Variants in HEATR4 observed in about 807,000 individuals in gnomAD.
HEATR4 encodes the protein HEAT repeat containing 4.
HEATR4 carries 95 observed loss-of-function variants against 108.8 expected under a neutral mutation model. That is an observed-to-expected ratio of 0.87 (90% confidence interval 0.74 to 1.04). The LOEUF is 1.04. Ranked by LOEUF, HEATR4 falls within the 50% of genes least tolerant of loss-of-function variation. The pLI is 0.00. For synonymous variants in HEATR4, 443 were observed against 459.4 expected (o/e 0.96, Z 0.46); for missense variants, 1,152 against 1,253.8 (o/e 0.92, Z 1.23).
chr14:73,572,830 C>G, the HEATR4 span, among the ~76,000 whole-genome samples: 3 of 148,940 alleles, frequency 2.0e-5, no homozygotes, highest in African/African-American at 7.5e-5. Context: ...ATTTTTAGTA[C>G]AGATGGGGTT....
At chr14:73,558,477 G>A (rs1219063754) in intron 1 of HEATR4, among the ~76,000 whole-genome samples, 1 of 132,742 alleles carries the variant, frequency 7.5e-6, no homozygotes, top group Non-Finnish European at 1.6e-5. Context: ...CCACATAGCT[G>A]GGAGCATAGG....
At chr14:73,518,918 T>C in intron 5 of HEATR4, 105 bp downstream of exon 5, 1 of 1,133,206 alleles carries the variant, frequency 8.8e-7, no homozygotes, top group Non-Finnish European at 1.3e-6. Context: ...TAATGGTGCT[T>C]CAGCCCATGA....
the HEATR4 span, chr14:73,593,628 C>T: frequency 7.1e-7 from 1 of 1,410,020 alleles, no homozygotes. Flanking sequence ...CAAGCATGAA[C>T]CACAGTGTCC....
rs1349358370 is a variant in HEATR4, at chr14:73,557,202, T to C, written c.-152+1549A>G. On this transcript the variant is annotated intron_variant, in intron 1 of 17. Transcript: ENST00000553558. ...GGAACTTGGGCTAGAAGGGGAGGAA[T>C]GGGGTTGGAAGGGTTAGGCCACATG... 5.3e-5 allele frequency among the ~76,000 whole-genome samples: 6 copies of C among 113,836 alleles called. 2 individuals are homozygous for C. Among genetic ancestry groups the C allele is most frequent in the African/African-American group, 1.7e-4 (6 of 35,232 alleles). 74.7% of individuals were successfully genotyped at this position (113,836 alleles called of 152,430 possible). A position where few individuals can be genotyped will look rare whatever the true frequency, so the allele number is the denominator to read the frequency against.
At position 73,514,017 on chromosome 14, in the gene HEATR4, CT is replaced by C. The variant is rs1223558592; in HGVS notation, c.1414+13del. The stretch of plus-strand genomic sequence containing the variant: ...TCACAAACGTACAGTATCACAGGAC[CT>C]CCCTTCACTCACTCAGAGCCCAGGC... On this transcript the variant is annotated intron_variant, in intron 6 of 17. Transcript: ENST00000553558. The C allele has an allele frequency of 2.5e-6, 4 of 1,613,100 alleles. No homozygotes were observed. Among genetic ancestry groups the C allele is most frequent in the Non-Finnish European group, 3.4e-6 (4 of 1,179,176 alleles).
rs200682028 is a variant in HEATR4 at position 73,500,700 on chromosome 14, C to T, written c.2136G>A (p.Glu712=). The T allele has an allele frequency of 6.2e-7, 1 of 1,614,036 alleles. No individual in the cohort carries two copies. Residue 712 remains glutamate, a synonymous_variant, in exon 12 of 18, where the codon GAG becomes GAA. Coordinates refer to ENST00000553558, the MANE Select transcript of HEATR4 (RefSeq NM_001220484.1). ...CTATCAGGTAGAGAGCTTCCACACG[C>T]TCCTGGGAATTTCCTTGACCTAGCT... ...RVKLGQGNSQ[E]RVEALYLIGE...
At chr14:73,604,657 T>C in the HEATR4 span, among the ~76,000 whole-genome samples, 1 of 152,072 alleles carries the variant, frequency 6.6e-6, no homozygotes, top group Non-Finnish European at 1.5e-5. Context: ...GGCTAATTTT[T>C]TTGTATTTTT....
At chr14:73,563,321 G>A (rs766586038), upstream of HEATR4, among the ~76,000 whole-genome samples, 6 of 152,048 alleles carry the variant, frequency 3.9e-5, 1 homozygote, top group South Asian at 6.2e-4. Flanking sequence ...TGGGCCAGAC[G>A]CAGTGGCTCA....
the HEATR4 span, among the ~76,000 whole-genome samples, chr14:73,590,594 T>C: frequency 6.6e-6 from 1 of 152,174 alleles, no homozygotes; most frequent in East Asian, 1.9e-4. Flanking sequence ...GGCTCAGGCA[T>C]GGCGGGCTGC....
the HEATR4 span, among the ~76,000 whole-genome samples, chr14:73,612,141 A>G: frequency 8.6e-5 from 13 of 151,856 alleles, no homozygotes; most frequent in Non-Finnish European, 1.5e-5. Flanking sequence ...TCCTGGGTTC[A>G]AGCAATTCTT....
chr14:73,579,907 A>C, the HEATR4 span, among the ~76,000 whole-genome samples: 1 of 151,998 alleles, frequency 6.6e-6, no homozygotes, highest in Non-Finnish European at 1.5e-5. Context: ...AGCCTGGCCA[A>C]CATGGTAAAA....
chr14:73,599,485 G>A, the HEATR4 span, among the ~76,000 whole-genome samples: 1 of 152,076 alleles, frequency 6.6e-6, no homozygotes, highest in Non-Finnish European at 1.5e-5. Context: ...TGACTGAGGG[G>A]TTGAAACTCA....
intron 15 of HEATR4, 127 bp from the exon 16 acceptor site, chr14:73,495,514 T>A: frequency 1.4e-6 from 1 of 731,292 alleles, no homozygotes; most frequent in Non-Finnish European, 2.2e-6. Context: ...GCCCAACAGT[T>A]CAAGGCTACA....
intron 2 of HEATR4, chr14:73,527,201 CTG>C (rs1183691882): frequency 1.3e-5 from 2 of 151,940 alleles, no homozygotes; most frequent in African/African-American, 4.8e-5. Flanking sequence ...TAAGTCCAGA[CTG>C]TAAAGACTTG....
At chr14:73,566,327 G>A in the HEATR4 span, among the ~76,000 whole-genome samples, 1 of 152,100 alleles carries the variant, frequency 6.6e-6, no homozygotes, top group African/African-American at 2.4e-5. Flanking sequence ...CCCGCACCGT[G>A]AGCCCACACT....
chr14:73,492,016 C>T lies in HEATR4; in HGVS notation c.2844+1050G>A. On this transcript the variant is annotated intron_variant, in intron 17 of 17. Coordinates refer to ENST00000553558, the MANE Select transcript of HEATR4 (RefSeq NM_001220484.1). The surrounding 1 kb of genome is among the most constrained non-coding windows in gnomAD (Gnocchi z 4.9). Reference sequence around the variant, plus strand: ...CCAACGTTTACCTCACGCCCCCTAACTCGCAGGGCTTTGCCCCCCACTACG... The same window carrying T: ...CCAACGTTTACCTCACGCCCCCTAATTCGCAGGGCTTTGCCCCCCACTACG... 6.2e-7 allele frequency: 1 copy of T among 1,614,042 alleles called. No homozygotes were observed. The highest frequency in any genetic ancestry group is 8.5e-7 in the Non-Finnish European group (1 of 1,179,904).
At chr14:73,601,438 C>T in the HEATR4 span, among the ~76,000 whole-genome samples, 5 of 152,160 alleles carry the variant, frequency 3.3e-5, no homozygotes, top group Non-Finnish European at 7.3e-5. Context: ...GTGGCGCACG[C>T]CTGTAATCCC....
At chr14:73,595,044 T>G in the HEATR4 span, 7 of 1,612,480 alleles carry the variant, frequency 4.3e-6, no homozygotes, top group Non-Finnish European at 5.9e-6. Context: ...CTTCTTTTCT[T>G]CCAGGTAAAA....
chr14:73,606,946 C>G, the HEATR4 span, among the ~76,000 whole-genome samples: 1 of 152,202 alleles, frequency 6.6e-6, no homozygotes, highest in South Asian at 2.1e-4. Context: ...CCCCAAATTT[C>G]TGTTCACTGG....
Sources: allele counts gnomAD v4.1 joint callset (sites outside exome capture counted in the v4.1 genomes callset), GRCh38; gene constraint gnomAD v4.1.1; non-coding constraint Gnocchi (gnomAD v3.1); transcripts MANE v1.5; gene names NCBI Gene and HGNC (gene_info 2026-07-23, HGNC 2026-07-21).